Variants in HOXC4 observed in about 807,000 individuals in gnomAD.
HOXC4 encodes the protein homeobox protein Hox-C4.
A neutral mutation model predicts 25.5 loss-of-function variants in HOXC4; 15 were observed. The observed-to-expected ratio is 0.59, with a 90% confidence interval of 0.39 to 0.91. HOXC4 has a LOEUF of 0.91. Among genes scored for constraint, HOXC4 ranks in the 40% least tolerant of loss-of-function variants. The probability of loss-of-function intolerance (pLI) is 0.00; values close to 1 mark genes in which losing one functional copy is unlikely to be tolerated. For missense variants in HOXC4, 342 were observed against 352.4 expected (o/e 0.97, Z 0.24); for synonymous variants, 165 against 148.0 (o/e 1.11, Z -0.83).
intron 1 of HOXC4, chr12:54,029,942 G>A (rs746073698): frequency 1.3e-6 from 2 of 1,588,856 alleles, no homozygotes; most frequent in Non-Finnish European, 1.7e-6. Context: ...AGAGACAGAA[G>A]AGGAGAAGCA....
intron 1 of HOXC4, among the ~76,000 whole-genome samples, chr12:54,048,794 T>C (rs567773124): frequency 2.6e-5 from 4 of 152,318 alleles, no homozygotes; most frequent in East Asian, 1.9e-4. Flanking sequence ...ATCTCTTTAA[T>C]ACTGGGAGTA....
intron 1 of HOXC4, among the ~76,000 whole-genome samples, chr12:54,039,195 T>G (rs1941231978): frequency 6.6e-6 from 1 of 152,110 alleles, no homozygotes; most frequent in African/African-American, 2.4e-5. Context: ...GAGCCAGATA[T>G]GCACCTTCCA....
At chr12:54,037,282 T>C (rs2136453523) in intron 1 of HOXC4, among the ~76,000 whole-genome samples, 2 of 152,274 alleles carry the variant, frequency 1.3e-5, no homozygotes, top group South Asian at 4.1e-4. Flanking sequence ...TGGGGTAGTT[T>C]CCCCACCAGC....
intron 1 of HOXC4, chr12:54,033,494 G>A: frequency 6.3e-7 from 1 of 1,592,368 alleles, no homozygotes; most frequent in Non-Finnish European, 8.5e-7. Context: ...AGCAGGCGCA[G>A]ACAGGGCAGC....
chr12:54,031,112 A>G (rs558583368), intron 1 of HOXC4, among the ~76,000 whole-genome samples: 1 of 152,230 alleles, frequency 6.6e-6, no homozygotes, highest in Non-Finnish European at 1.5e-5. Context: ...TTGGGCACCA[A>G]CCCCACGCAG....
At chr12:54,031,607 A>C (rs547003508) in intron 1 of HOXC4, among the ~76,000 whole-genome samples, 166 of 152,260 alleles carry the variant, frequency 1.1e-3, no homozygotes, top group African/African-American at 3.8e-3. Flanking sequence ...GAGTGGGCCT[A>C]CAGGGAGAGG....
intron 1 of HOXC4, chr12:54,029,676 G>A: frequency 6.2e-7 from 1 of 1,613,608 alleles, no homozygotes; most frequent in Non-Finnish European, 8.5e-7. Context: ...GGAGCGGACC[G>A]GAGGCGCGGC....
chr12:54,023,591 A>T (rs1940545145), intron 1 of HOXC4, among the ~76,000 whole-genome samples: 1 of 152,166 alleles, frequency 6.6e-6, no homozygotes, highest in South Asian at 2.1e-4. Flanking sequence ...GCAGCTTAAC[A>T]TGCCCAATCT....
chr12:54,028,694 A>G, intron 1 of HOXC4: 1 of 1,614,164 alleles, frequency 6.2e-7, no homozygotes, highest in East Asian at 2.2e-5. Flanking sequence ...TATTCGCCAC[A>G]GGAGAATGTC....
intron 1 of HOXC4, among the ~76,000 whole-genome samples, chr12:54,037,471 G>A (rs927982349): frequency 1.3e-5 from 2 of 152,224 alleles, no homozygotes; most frequent in Non-Finnish European, 2.9e-5. Flanking sequence ...CTTCCCGGGG[G>A]AGTGGGAAGA....
At chr12:54,046,887 C>T (rs1937725606) in intron 1 of HOXC4, among the ~76,000 whole-genome samples, 1 of 152,194 alleles carries the variant, frequency 6.6e-6, no homozygotes, top group Admixed American at 6.5e-5. Flanking sequence ...TGCGCGCAGC[C>T]ACCCCAGGCT....
intron 1 of HOXC4, among the ~76,000 whole-genome samples, chr12:54,041,769 T>C (rs1941277183): frequency 6.6e-6 from 1 of 152,198 alleles, no homozygotes; most frequent in African/African-American, 2.4e-5. Context: ...CTCTGTCTCC[T>C]GGGTTCAAGT....
intron 1 of HOXC4, among the ~76,000 whole-genome samples, chr12:54,025,109 G>T (rs1352534853): frequency 1.3e-5 from 2 of 152,170 alleles, no homozygotes; most frequent in Non-Finnish European, 2.9e-5. Context: ...GGGTTGGGGG[G>T]TAGTGTTCTC....
upstream of HOXC4, among the ~76,000 whole-genome samples, chr12:54,052,522 G>A (rs1048869974): frequency 3.3e-5 from 5 of 152,004 alleles, no homozygotes; most frequent in African/African-American, 1.2e-4. Context: ...CTGAGTTATG[G>A]GCGATCAGTT....
At position 54,054,908 on chromosome 12, in the gene HOXC4, G is replaced by T. The variant is rs374693094; in HGVS notation, c.498G>T (p.Gln166His). ...GCTCGAGGACAGCCTATACCCGGCA[G>T]CAAGTCCTGGAATTAGAGAAAGAGT... Reference protein sequence around the residue: ...PKRSRTAYTRQQVLELEKEFH... With the variant: ...PKRSRTAYTRHQVLELEKEFH... Residue 166 changes from glutamine to histidine, a missense_variant, in exon 2 of 2, where the codon CAG (glutamine) becomes CAT (histidine). Gln to His is a conservative substitution (Grantham distance 24). Transcript: ENST00000430889. 6.2e-6 allele frequency: 10 copies of T among 1,613,922 alleles called. No individual in the cohort carries two copies. Among genetic ancestry groups the T allele is most frequent in the Admixed American group, 3.3e-5 (2 of 59,994 alleles).
upstream of HOXC4, among the ~76,000 whole-genome samples, chr12:54,051,496 T>A (rs1937845429): frequency 6.6e-6 from 1 of 152,070 alleles, no homozygotes; most frequent in Non-Finnish European, 1.5e-5. Context: ...ACTCACAGTC[T>A]CAACTTCCTC....
chr12:54,050,702 A>G (rs553735612), upstream of HOXC4, among the ~76,000 whole-genome samples: 1 of 152,340 alleles, frequency 6.6e-6, no homozygotes, highest in East Asian at 1.9e-4. Context: ...ATTAAGCTAT[A>G]GGAGCCCAAA....
chr12:54,030,126 C>T, intron 1 of HOXC4: 2 of 631,928 alleles, frequency 3.2e-6, no homozygotes, highest in Non-Finnish European at 5.3e-6. Flanking sequence ...CTCTGGACCC[C>T]CTCCCTCACC....
intron 1 of HOXC4, among the ~76,000 whole-genome samples, chr12:54,027,674 C>T (rs1181501413): frequency 6.6e-6 from 1 of 151,960 alleles, no homozygotes; most frequent in Non-Finnish European, 1.5e-5. Context: ...GGCAAAAATG[C>T]TGGAAGAGTT....
Sources: gnomAD v4.1 joint callset for allele counts (sites outside exome capture counted in the v4.1 genomes callset) on GRCh38, gnomAD v4.1.1 for gene constraint, MANE v1.5 for transcripts, NCBI Gene and HGNC (gene_info 2026-07-23, HGNC 2026-07-21) for gene names.